Variants in EMILIN2 observed in about 807,000 individuals in gnomAD.
The protein encoded by EMILIN2 is elastin microfibril interfacer 2, also known as EMILIN-2.
A neutral mutation model predicts 87.1 loss-of-function variants in EMILIN2; 71 were observed. That is an observed-to-expected ratio of 0.82 (90% CI 0.67 to 0.99). The LOEUF (loss-of-function observed/expected upper bound fraction) is 0.99. Ranked by LOEUF, EMILIN2 falls within the 50% of genes least tolerant of loss-of-function variation. The probability of loss-of-function intolerance (pLI) is 0.00; values close to 1 mark genes in which losing one functional copy is unlikely to be tolerated. For synonymous variants in EMILIN2, 581 were observed against 563.4 expected, an observed-to-expected ratio of 1.03 and a Z score of -0.44; for missense variants, 1,407 against 1,371.8, an observed-to-expected ratio of 1.03 and a Z score of -0.40.
At chr18:2,900,193 CTCAT>C (rs1288952274) in intron 4 of EMILIN2, among the ~76,000 whole-genome samples, 2 of 151,462 alleles carry the variant, frequency 1.3e-5, no homozygotes. Context: ...TATTTATTTA[CTCAT>C]TTATTTTTGA....
At position 2,851,142 on chromosome 18, in the gene EMILIN2, TAGAG is replaced by T. The variant is rs1426701168; in HGVS notation, c.257+3217_257+3220del. Among the ~76,000 whole-genome samples the T allele has an allele frequency of 2.6e-5, 4 of 151,178 alleles. No individual in the cohort carries two copies. In the East Asian group the frequency reaches 7.8e-4, roughly 29 times the overall value. ...GTAGCCAAGCAGGTAAAGAATTACT[TAGAG>T]AGAGATCGGGGCCAGGCAGGATGGC... On this transcript the variant is annotated intron_variant, in intron 2 of 7. Coordinates refer to ENST00000254528, the MANE Select transcript of EMILIN2 (RefSeq NM_032048.3).
intron 7 of EMILIN2, 132 bp downstream of exon 7, chr18:2,909,951 G>T: frequency 8.0e-7 from 1 of 1,248,096 alleles, no homozygotes; most frequent in Non-Finnish European, 1.1e-6. Context: ...GCAGATGCCC[G>T]AGTGGGCCTG....
intron 3 of EMILIN2, among the ~76,000 whole-genome samples, chr18:2,887,848 A>T (rs890898896): frequency 1.3e-5 from 2 of 152,200 alleles, no homozygotes; most frequent in African/African-American, 4.8e-5. Context: ...TCTGTAACCC[A>T]GGCTGGAGTG....
At chr18:2,858,780 T>C (rs1188793668) in intron 2 of EMILIN2, among the ~76,000 whole-genome samples, 1 of 150,628 alleles carries the variant, frequency 6.6e-6, no homozygotes, top group Non-Finnish European at 1.5e-5. Flanking sequence ...GGATTACAGG[T>C]GCCTGCCACC....
At chr18:2,857,341 A>G (rs1005149162) in intron 2 of EMILIN2, among the ~76,000 whole-genome samples, 6 of 152,128 alleles carry the variant, frequency 3.9e-5, no homozygotes, top group Non-Finnish European at 8.8e-5. Flanking sequence ...CATGGCCTTC[A>G]TTAGGTTATG....
At chr18:2,875,288 G>A (rs749126343) in intron 2 of EMILIN2, among the ~76,000 whole-genome samples, 4 of 152,192 alleles carry the variant, frequency 2.6e-5, no homozygotes, top group South Asian at 2.1e-4. Flanking sequence ...AGGGAGGGTC[G>A]CTTCATGGTG....
intron 7 of EMILIN2, among the ~76,000 whole-genome samples, chr18:2,910,681 A>G (rs1257602266): frequency 2.6e-5 from 4 of 152,184 alleles, no homozygotes; most frequent in South Asian, 2.1e-4. Context: ...CTTGCCACCC[A>G]TAAGCCACTG....
At chr18:2,896,386 G>C (rs1484566799) in intron 4 of EMILIN2, among the ~76,000 whole-genome samples, 2 of 152,044 alleles carry the variant, frequency 1.3e-5, no homozygotes, top group Non-Finnish European at 2.9e-5. Flanking sequence ...ATGTTAGTCA[G>C]GCTGGTCTCG....
intron 4 of EMILIN2, among the ~76,000 whole-genome samples, chr18:2,898,364 C>A (rs192271339): frequency 1.1e-4 from 16 of 152,218 alleles, no homozygotes; most frequent in African/African-American, 2.4e-4. Context: ...CCCTCCCCAG[C>A]TGGCTTTAGC....
chr18:2,889,708 TTTTTTTA>T (rs1299681000), intron 3 of EMILIN2, among the ~76,000 whole-genome samples: 1 of 147,730 alleles, frequency 6.8e-6, no homozygotes, highest in African/African-American at 2.5e-5. Context: ...TTTTTTTTTT[TTTTTTTA>T]AAGATACAGG....
chr18:2,894,166 G>A lies in EMILIN2; in HGVS notation c.2359+1680G>A, dbSNP rs16943997. On this transcript the variant is annotated intron_variant, in intron 4 of 7. Coordinates refer to ENST00000254528, the MANE Select transcript of EMILIN2 (RefSeq NM_032048.3). The surrounding 1 kb of genome is among the most constrained non-coding windows in gnomAD (Gnocchi z 5.0). ...GATGAGACATAAAACCCAAGGCAGC[G>A]TAGGCTAGAACGTGGGAAGCAGGCG... Among the ~76,000 whole-genome samples the A allele has an allele frequency of 0.11, 16,255 of 152,142 alleles. 1,235 individuals are homozygous for A. The highest frequency in any genetic ancestry group is 0.21 in the African/African-American group (8,593 of 41,482).
intron 4 of EMILIN2, among the ~76,000 whole-genome samples, chr18:2,905,790 T>G (rs1473272804): frequency 6.6e-6 from 1 of 150,900 alleles, no homozygotes; most frequent in African/African-American, 2.4e-5. Context: ...TTTGTTTTTT[T>G]TTTTTGGATA....
chr18:2,873,058 A>T (rs2076728246), intron 2 of EMILIN2, among the ~76,000 whole-genome samples: 1 of 143,358 alleles, frequency 7.0e-6, no homozygotes, highest in Non-Finnish European at 1.5e-5. Context: ...TTAAAAAAAA[A>T]AAACAAAACC....
At chr18:2,899,558 G>T (rs1184791389) in intron 4 of EMILIN2, among the ~76,000 whole-genome samples, 1 of 152,060 alleles carries the variant, frequency 6.6e-6, no homozygotes, top group African/African-American at 2.4e-5. Flanking sequence ...AGGCTGGAGT[G>T]CAGTGGCACA....
chr18:2,890,478 G>A lies in EMILIN2; in HGVS notation c.434-83G>A, dbSNP rs925314742. On this transcript the variant is annotated intron_variant, in intron 3 of 7. Coordinates refer to ENST00000254528, the MANE Select transcript of EMILIN2 (RefSeq NM_032048.3). This position sits in a 1 kb window ranked among gnomAD's most constrained non-coding sequence, Gnocchi z 4.7. ...GTAAGTGAAGATGTACATGTATTTT[G>A]TAGGTACCTTGTTTATTGTCTTGGC... The A allele has an allele frequency of 3.7e-5, 55 of 1,470,368 alleles. No individual in the cohort carries two copies. The East Asian group carries it at 1.2e-3, about 33-fold the overall frequency. The allele number at this position is 1,470,368 out of a possible 1,614,324, so 91.1% of individuals were successfully genotyped here. A position where few individuals can be genotyped will look rare whatever the true frequency, so the allele number is the denominator to read the frequency against.
At chr18:2,881,699 C>T (rs897613572) in intron 2 of EMILIN2, among the ~76,000 whole-genome samples, 3 of 152,228 alleles carry the variant, frequency 2.0e-5, no homozygotes, top group African/African-American at 7.2e-5. Context: ...GAACAAAACC[C>T]GAGAGCAAAC....
At chr18:2,896,535 GC>G (rs1231553997) in intron 4 of EMILIN2, among the ~76,000 whole-genome samples, 1 of 152,142 alleles carries the variant, frequency 6.6e-6, no homozygotes, top group African/African-American at 2.4e-5. Context: ...GTACAGTGGT[GC>G]AATCACAGCT....
intron 2 of EMILIN2, among the ~76,000 whole-genome samples, chr18:2,883,369 A>G (rs996323506): frequency 2.6e-5 from 4 of 152,186 alleles, no homozygotes; most frequent in African/African-American, 9.7e-5. Context: ...CCCCATGGGC[A>G]GCTCTCAGCA....
chr18:2,887,403 T>C (rs554092365), intron 3 of EMILIN2, among the ~76,000 whole-genome samples: 2 of 152,326 alleles, frequency 1.3e-5, no homozygotes, highest in East Asian at 3.9e-4. Flanking sequence ...ATGTGGGAGA[T>C]GGGGTATCAT....
Sources: allele counts gnomAD v4.1 joint callset (sites outside exome capture counted in the v4.1 genomes callset), GRCh38; gene constraint gnomAD v4.1.1; non-coding constraint Gnocchi (gnomAD v3.1); transcripts MANE v1.5; gene names NCBI Gene and HGNC (gene_info 2026-07-23, HGNC 2026-07-21).